The following TTC29 variants were observed in gnomAD, a reference collection of about 807,000 sequenced individuals.
The protein encoded by TTC29 is tetratricopeptide repeat domain 29.
Under a neutral mutation model 58.1 loss-of-function variants are expected in TTC29, and 49 were observed. That is an observed-to-expected ratio of 0.84 (90% CI 0.67 to 1.07). The LOEUF (loss-of-function observed/expected upper bound fraction) is 1.07. Ranked by LOEUF, TTC29 falls within the 50% of genes least tolerant of loss-of-function variation. The pLI, the probability that TTC29 is intolerant of heterozygous loss-of-function variation, is 0.00. For missense variants in TTC29, 582 were observed against 555.6 expected (o/e 1.05, Z -0.48); for synonymous variants, 209 against 196.8 (o/e 1.06, Z -0.52).
intron 11 of TTC29, among the ~76,000 whole-genome samples, chr4:146,735,949 G>A (rs1251527052): frequency 1.3e-5 from 2 of 152,130 alleles, no homozygotes; most frequent in Non-Finnish European, 2.9e-5. Context: ...TGGTTATTAA[G>A]AAATAAAATG....
chr4:146,892,934 C>T (rs1038016550), intron 6 of TTC29, among the ~76,000 whole-genome samples: 19 of 152,122 alleles, frequency 1.2e-4, no homozygotes, highest in African/African-American at 4.6e-4. Flanking sequence ...TTCACAATTG[C>T]TTCAAAGAGA....
At chr4:146,924,697 G>T (rs55742640) in intron 4 of TTC29, among the ~76,000 whole-genome samples, 14 of 128,608 alleles carry the variant, frequency 1.1e-4, no homozygotes, top group African/African-American at 5.0e-4. Flanking sequence ...TTAGTTTCAT[G>T]GGTTTTTTGG....
intron 11 of TTC29, among the ~76,000 whole-genome samples, chr4:146,711,796 G>T (rs1458058973): frequency 6.6e-6 from 1 of 152,032 alleles, no homozygotes; most frequent in Non-Finnish European, 1.5e-5. Context: ...AGGAACAGAA[G>T]TCTCCCTTCC....
chr4:146,719,645 C>G (rs1293097445), intron 11 of TTC29, among the ~76,000 whole-genome samples: 1 of 152,074 alleles, frequency 6.6e-6, no homozygotes, highest in East Asian at 1.9e-4. Context: ...ATTCCTAATG[C>G]AGCAGTTAAG....
intron 7 of TTC29, 36 bp from the exon 8 acceptor site, chr4:146,867,619 A>T (rs1326371486): frequency 2.0e-6 from 2 of 995,888 alleles, no homozygotes; most frequent in South Asian, 3.4e-5. Context: ...CCAAGTATTC[A>T]ATAAATGATT....
chr4:146,757,169 A>G (rs1232766625), intron 11 of TTC29, among the ~76,000 whole-genome samples: 1 of 150,810 alleles, frequency 6.6e-6, no homozygotes, highest in East Asian at 2.0e-4. Context: ...GATCTGTCAG[A>G]GGGAAGGTCT....
chr4:146,765,941 A>G (rs1038825920), intron 11 of TTC29, among the ~76,000 whole-genome samples: 2 of 152,128 alleles, frequency 1.3e-5, no homozygotes, highest in Non-Finnish European at 2.9e-5. Flanking sequence ...GGCCTCTGCC[A>G]TAAACACATA....
At chr4:146,797,072 G>A (rs1018313910) in intron 11 of TTC29, among the ~76,000 whole-genome samples, 5 of 152,176 alleles carry the variant, frequency 3.3e-5, no homozygotes, top group Non-Finnish European at 7.3e-5. Flanking sequence ...AGATATGGAT[G>A]CTAAAACAGT....
chr4:146,769,956 A>G (rs750815871), intron 11 of TTC29, among the ~76,000 whole-genome samples: 2 of 152,034 alleles, frequency 1.3e-5, no homozygotes, highest in Non-Finnish European at 2.9e-5. Context: ...CAGGCTAAAC[A>G]TCATCTTTAT....
intron 6 of TTC29, among the ~76,000 whole-genome samples, chr4:146,895,989 TA>T (rs1434659920): frequency 6.6e-6 from 1 of 152,200 alleles, no homozygotes; most frequent in East Asian, 1.9e-4. Flanking sequence ...TAGTAAATAT[TA>T]AAAATGCAGA....
intron 4 of TTC29, among the ~76,000 whole-genome samples, chr4:146,930,647 C>T (rs1735270072): frequency 6.6e-6 from 1 of 152,152 alleles, no homozygotes; most frequent in African/African-American, 2.4e-5. Flanking sequence ...ATAATGGAGA[C>T]TTGAAAAGGG....
chr4:146,801,324 C>T (rs763985502), intron 11 of TTC29, among the ~76,000 whole-genome samples: 1 of 152,012 alleles, frequency 6.6e-6, no homozygotes, highest in Non-Finnish European at 1.5e-5. Flanking sequence ...TTTTATTTTC[C>T]AAATAGAAGG....
At chr4:146,814,986 G>A (rs1165050037) in intron 10 of TTC29, among the ~76,000 whole-genome samples, 2 of 152,176 alleles carry the variant, frequency 1.3e-5, no homozygotes, top group Non-Finnish European at 2.9e-5. Context: ...GGAGTAGGAA[G>A]CAATGAGGTC....
Position 146,937,677 on chromosome 4 carries a change from C to A in TTC29, c.93G>T (p.Arg31Ser), listed in dbSNP as rs762172186. The change falls in exon 4 of 13, where the codon AGG becomes AGT. Residue 31 changes from arginine (R) to serine (S), a missense_variant and splice_region_variant. By Grantham distance (110) the Arg-to-Ser change is moderately radical. Transcript: ENST00000325106. Reference protein sequence around the residue: ...KLPCSSRKIPRSQLIKEKDDI... With the variant: ...KLPCSSRKIPSSQLIKEKDDI... Reference sequence around the variant, plus strand: ...CATCTTTTTCTTTGATCAATTGAGACCTAAATGAAATAGAAAGAAATAATA... The same window carrying A: ...CATCTTTTTCTTTGATCAATTGAGAACTAAATGAAATAGAAAGAAATAATA... 6.8e-7 allele frequency: 1 copy of A among 1,472,828 alleles called. No homozygotes were observed. Among genetic ancestry groups the A allele is most frequent in the Admixed American group, 2.3e-5 (1 of 43,498 alleles). 91.2% of individuals were successfully genotyped at this position (1,472,828 alleles called of 1,614,324 possible). A position where few individuals can be genotyped will look rare whatever the true frequency, so the allele number is the denominator to read the frequency against.
At chr4:146,892,326 T>C (rs1408108939) in intron 6 of TTC29, among the ~76,000 whole-genome samples, 6 of 152,156 alleles carry the variant, frequency 3.9e-5, no homozygotes, top group African/African-American at 1.4e-4. Context: ...TGTGAGTCAA[T>C]TGAACCTCTT....
At chr4:146,883,346 T>C (rs1454026139) in intron 6 of TTC29, among the ~76,000 whole-genome samples, 1 of 152,018 alleles carries the variant, frequency 6.6e-6, no homozygotes, top group Non-Finnish European at 1.5e-5. Context: ...CAGTGCCTGG[T>C]GCCTCACAGA....
intron 11 of TTC29, among the ~76,000 whole-genome samples, chr4:146,785,841 T>C (rs1190363993): frequency 6.7e-6 from 1 of 149,406 alleles, no homozygotes; most frequent in African/African-American, 2.5e-5. Context: ...TATCTGCATT[T>C]TACTTATGAT....
chr4:146,818,435 C>A (rs1383197826), intron 10 of TTC29, among the ~76,000 whole-genome samples: 6 of 152,146 alleles, frequency 3.9e-5, no homozygotes, highest in South Asian at 4.1e-4. Flanking sequence ...CAGGAAACAA[C>A]AGGTGCTGGA....
chr4:146,737,405 T>G (rs1744785430), intron 11 of TTC29, among the ~76,000 whole-genome samples: 1 of 152,166 alleles, frequency 6.6e-6, no homozygotes, highest in South Asian at 2.1e-4. Flanking sequence ...ATGGGGGCAC[T>G]GCAGCAGTGC....
Sources: allele counts gnomAD v4.1 joint callset (sites outside exome capture counted in the v4.1 genomes callset), GRCh38; gene constraint gnomAD v4.1.1; transcripts MANE v1.5; gene names NCBI Gene and HGNC (gene_info 2026-07-23, HGNC 2026-07-21).